UXS1: variants seen among roughly 807,000 people sequenced by gnomAD.
UXS1 encodes the protein UDP-glucuronate decarboxylase 1.
Under a neutral mutation model 62.6 loss-of-function variants are expected in UXS1, and 33 were observed. The observed-to-expected ratio is 0.53, with a 90% CI of 0.40 to 0.70. The LOEUF (loss-of-function observed/expected upper bound fraction) is 0.70, where lower values mean the gene tolerates loss of function less well. Ranked by LOEUF, UXS1 falls within the 30% of genes least tolerant of loss-of-function variation. The pLI is 0.00. For missense variants in UXS1, 434 were observed against 556.3 expected, an observed-to-expected ratio of 0.78 and a Z score of 2.21; for synonymous variants, 213 against 206.8, an observed-to-expected ratio of 1.03 and a Z score of -0.26.
chr2:106,112,613 C>T lies in UXS1; in HGVS notation c.879+33G>A, dbSNP rs1023047553. On this transcript the variant is annotated intron_variant, in intron 10 of 14. Coordinates refer to ENST00000283148, the MANE Select transcript of UXS1 (RefSeq NM_001253875.2). Reference sequence around the variant, plus strand: ...TGTGAGCTGACTTCGATTTGGGTTGCAAGGTGCTCCCTGAGCCGAGGCCAG... The same window carrying T: ...TGTGAGCTGACTTCGATTTGGGTTGTAAGGTGCTCCCTGAGCCGAGGCCAG... 12 of 1,610,902 alleles carry T rather than the reference C, an allele frequency of 7.4e-6. No homozygotes were observed. In the African/African-American group the frequency reaches 1.2e-4, roughly 16 times the overall value.
Position 106,147,432 on chromosome 2 carries a change from C to T in UXS1, c.292-2062G>A, listed in dbSNP as rs1483724285. Among the ~76,000 whole-genome samples the T allele has an allele frequency of 2.0e-5, 3 of 152,262 alleles. No individual in the cohort carries two copies. The East Asian group carries it at 5.8e-4, about 29-fold the overall frequency. ...GACTTCCTTGTCATAACTTAGATTC[C>T]TTTCTGCTGACTCCAAAGTTTTACA... On this transcript the variant is annotated intron_variant, in intron 5 of 14. Coordinates refer to ENST00000283148, the MANE Select transcript of UXS1 (RefSeq NM_001253875.2).
At chr2:106,173,967 C>T (rs1276156849) in intron 1 of UXS1, among the ~76,000 whole-genome samples, 1 of 152,158 alleles carries the variant, frequency 6.6e-6, no homozygotes, top group East Asian at 1.9e-4. Flanking sequence ...TCAGCAGCCA[C>T]CTATATATAA....
At position 106,120,622 on chromosome 2, in the gene UXS1, T is replaced by G. The variant is rs1679447676; in HGVS notation, c.759+2348A>C. Among the ~76,000 whole-genome samples, 3 of 152,136 alleles carry G rather than the reference T, an allele frequency of 2.0e-5. No homozygotes were observed. The South Asian group carries it at 6.2e-4, about 32-fold the overall frequency. On this transcript the variant is annotated intron_variant, in intron 9 of 14. Coordinates refer to ENST00000283148, the MANE Select transcript of UXS1 (RefSeq NM_001253875.2). Reference sequence around the variant, plus strand: ...TTGGCCAAGAGCCCAAGTTCCACACTCTCCTTCCTAGAAAGTGCTGCACCT... The same window carrying G: ...TTGGCCAAGAGCCCAAGTTCCACACGCTCCTTCCTAGAAAGTGCTGCACCT...
At chr2:106,162,688 T>C (rs552907938) in intron 4 of UXS1, among the ~76,000 whole-genome samples, 4 of 152,348 alleles carry the variant, frequency 2.6e-5, no homozygotes, top group Non-Finnish European at 4.4e-5. Flanking sequence ...GTAACAACCT[T>C]ATATTACTAA....
intron 13 of UXS1, chr2:106,097,353 G>A: frequency 5.2e-6 from 2 of 387,894 alleles, no homozygotes. Context: ...TCCTTGCTGG[G>A]CCCAGGCCCC....
chr2:106,188,805 A>G (rs572740935), intron 1 of UXS1, among the ~76,000 whole-genome samples: 2 of 152,366 alleles, frequency 1.3e-5, no homozygotes, highest in South Asian at 2.1e-4. Context: ...AGCCTCACAC[A>G]GAAACGGGAA....
chr2:106,186,898 A>G (rs1684592901), intron 1 of UXS1, among the ~76,000 whole-genome samples: 1 of 152,114 alleles, frequency 6.6e-6, no homozygotes, highest in Admixed American at 6.5e-5. Context: ...TTAAATATAG[A>G]CTATATCTTA....
intron 1 of UXS1, among the ~76,000 whole-genome samples, chr2:106,180,326 A>G (rs1286461855): frequency 6.6e-6 from 1 of 152,224 alleles, no homozygotes; most frequent in Non-Finnish European, 1.5e-5. Context: ...AAAATTATGA[A>G]TTAAAACTAA....
chr2:106,191,551 C>T (rs762809767), intron 1 of UXS1, among the ~76,000 whole-genome samples: 1 of 152,238 alleles, frequency 6.6e-6, no homozygotes, highest in Non-Finnish European at 1.5e-5. Context: ...CTAAAATCAA[C>T]CATGTCGTGG....
chr2:106,166,645 C>A (rs1008333731), intron 1 of UXS1, among the ~76,000 whole-genome samples: 3 of 151,124 alleles, frequency 2.0e-5, no homozygotes, highest in Admixed American at 2.0e-4. Flanking sequence ...CTATCTATCC[C>A]TGCAGTTTTG....
chr2:106,120,188 T>C (rs1377562989), intron 9 of UXS1, among the ~76,000 whole-genome samples: 1 of 152,214 alleles, frequency 6.6e-6, no homozygotes, highest in Non-Finnish European at 1.5e-5. Context: ...ACAACATGAA[T>C]AACGGGACGG....
intron 6 of UXS1, chr2:106,138,376 A>G (rs1259630505): frequency 1.0e-6 from 1 of 985,486 alleles, no homozygotes; most frequent in Non-Finnish European, 1.2e-6. Flanking sequence ...CTCACTGAGC[A>G]CAAGATGCAG....
At chr2:106,160,134 T>C (rs890964266) in intron 4 of UXS1, 2 of 152,248 alleles carry the variant, frequency 1.3e-5, no homozygotes, top group East Asian at 3.9e-4. Flanking sequence ...CACAGATGTC[T>C]TGTTTGCCAA....
At chr2:106,142,396 CTT>C (rs986323682) in intron 6 of UXS1, among the ~76,000 whole-genome samples, 3 of 152,132 alleles carry the variant, frequency 2.0e-5, no homozygotes, top group African/African-American at 7.2e-5. Context: ...TTTAATCTCT[CTT>C]GAGATTTTTC....
chr2:106,124,432 G>T (rs924130478), intron 8 of UXS1, among the ~76,000 whole-genome samples: 1 of 152,218 alleles, frequency 6.6e-6, no homozygotes, highest in Non-Finnish European at 1.5e-5. Flanking sequence ...CAAAAGTAAA[G>T]ACCTAGAGTC....
At chr2:106,171,819 C>CT (rs778864644) in intron 1 of UXS1, among the ~76,000 whole-genome samples, 4 of 152,346 alleles carry the variant, frequency 2.6e-5, no homozygotes, top group Non-Finnish European at 4.4e-5. Context: ...AGCATATGTA[C>CT]TTTTACACTA....
chr2:106,182,918 G>A (rs1684335348), intron 1 of UXS1, among the ~76,000 whole-genome samples: 1 of 152,136 alleles, frequency 6.6e-6, no homozygotes, highest in South Asian at 2.1e-4. Flanking sequence ...TAAGAACCTA[G>A]GATAGAAATT....
At chr2:106,094,192 TCA>T in intron 14 of UXS1, 35 bp from the exon 15 acceptor site, 1 of 1,351,330 alleles carries the variant, frequency 7.4e-7, no homozygotes, top group Non-Finnish European at 9.7e-7. Context: ...GGAGACAAGG[TCA>T]CATTGACAGA....
At chr2:106,171,487 G>C (rs1573560613) in intron 1 of UXS1, among the ~76,000 whole-genome samples, 1 of 152,194 alleles carries the variant, frequency 6.6e-6, no homozygotes, top group East Asian at 1.9e-4. Context: ...CAGGTCTCAA[G>C]GTCCTCCAAT....
Sources: allele counts gnomAD v4.1 joint callset (sites outside exome capture counted in the v4.1 genomes callset), GRCh38; gene constraint gnomAD v4.1.1; transcripts MANE v1.5; gene names NCBI Gene and HGNC (gene_info 2026-07-23, HGNC 2026-07-21).